Variants in MYRF observed in about 807,000 individuals in gnomAD.
The protein encoded by MYRF is myelin regulatory factor, also known as myelin gene regulatory factor.
A neutral mutation model predicts 126.3 loss-of-function variants in MYRF; 16 were observed. That is an observed-to-expected ratio of 0.13 (90% CI 0.09 to 0.19). MYRF has a LOEUF of 0.19. Among genes scored for constraint, MYRF ranks in the 10% least tolerant of loss-of-function variants. The pLI is 1.00. For synonymous variants in MYRF, 608 were observed against 635.3 expected, an observed-to-expected ratio of 0.96 and a Z score of 0.65; for missense variants, 1,104 against 1,547.0, an observed-to-expected ratio of 0.71 and a Z score of 4.80.
At chr11:61,785,608 G>A (rs1459118590) in intron 25 of MYRF, 192 bp from the exon 26 acceptor site, 9 of 601,576 alleles carry the variant, frequency 1.5e-5, no homozygotes, top group Admixed American at 1.4e-4. Context: ...TCCCGGGCAC[G>A]GTCTGCATGG....
At chr11:61,759,506 C>CA (rs1005689726) in intron 1 of MYRF, among the ~76,000 whole-genome samples, 1 of 152,070 alleles carries the variant, frequency 6.6e-6, no homozygotes, top group Non-Finnish European at 1.5e-5. Flanking sequence ...CCCGTCTCTA[C>CA]AAAAAATACA....
chr11:61,755,607 T>G, intron 1 of MYRF: 2 of 860,626 alleles, frequency 2.3e-6, no homozygotes, highest in Non-Finnish European at 3.9e-6. Context: ...CAAAGAGCTC[T>G]TGCCCTCTTT....
At chr11:61,780,320 C>A (rs1262379667) in intron 18 of MYRF, 30 bp downstream of exon 18, 1 of 1,598,018 alleles carries the variant, frequency 6.3e-7, no homozygotes. Flanking sequence ...GCCAAGCTGC[C>A]AGGCCAGGTG....
chr11:61,759,519 A>C (rs2065848980), intron 1 of MYRF, among the ~76,000 whole-genome samples: 1 of 152,104 alleles, frequency 6.6e-6, no homozygotes, highest in Admixed American at 6.5e-5. Flanking sequence ...AAAATACAAC[A>C]ATTAGCCAGG....
At chr11:61,755,498 G>T (rs1257829786) in intron 1 of MYRF, 1 of 1,591,760 alleles carries the variant, frequency 6.3e-7, no homozygotes, top group Non-Finnish European at 8.6e-7. Flanking sequence ...GCAGGCACGG[G>T]ACAGGGCAGT....
At position 61,783,562 on chromosome 11, in the gene MYRF, C is replaced by T. The variant is rs771888497; in HGVS notation, c.3081C>T (p.Ser1027=). ...TSIQVLENSM[S]ITSQYCAPGD... Reference sequence around the variant, plus strand: ...TCCAGGTGCTGGAGAATTCGATGTCCATCACCTCCCAGTACTGTGCTCCAG... The same window carrying T: ...TCCAGGTGCTGGAGAATTCGATGTCTATCACCTCCCAGTACTGTGCTCCAG... Residue 1027 remains serine, a synonymous_variant, in exon 23 of 27, where the codon TCC becomes TCT. Transcript: ENST00000278836. The surrounding 1 kb of genome is among the most constrained non-coding windows in gnomAD (Gnocchi z 4.6). 1 of 1,613,798 alleles carries T rather than the reference C, an allele frequency of 6.2e-7. No individual in the cohort carries two copies. Among genetic ancestry groups the T allele is most frequent in the South Asian group, 1.1e-5 (1 of 91,080 alleles).
rs369622871 is a variant in MYRF at position 61,776,483 on chromosome 11, A to G, written c.1499+51A>G. The G allele has an allele frequency of 2.5e-5, 37 of 1,504,750 alleles. No homozygotes were observed. In the African/African-American group the frequency reaches 4.6e-4, roughly 19 times the overall value. 93.2% of individuals were successfully genotyped at this position (1,504,750 alleles called of 1,614,324 possible). On this transcript the variant is annotated intron_variant, in intron 10 of 26. Transcript: ENST00000278836. The surrounding 1 kb of genome is among the most constrained non-coding windows in gnomAD (Gnocchi z 4.3). ...GAGCCCCTCCATTTCTGAGGCAGGA[A>G]GACACTGCCCTGGGTGGCACACCAG...
At position 61,786,580 on chromosome 11, in the gene MYRF, C is replaced by G. The variant is rs948246362; in HGVS notation, c.*437C>G. The G allele has an allele frequency of 5.2e-6, 1 of 191,616 alleles. No homozygotes were observed. The highest frequency in any genetic ancestry group is 1.1e-5 in the Non-Finnish European group (1 of 91,442). 11.9% of individuals were successfully genotyped at this position (191,616 alleles called of 1,614,324 possible). A position where few individuals can be genotyped will look rare whatever the true frequency, so the allele number is the denominator to read the frequency against. ...CCACCTTTGAGATCAGCAGGGGGCTCGGATCCAGCCCTAAGAGACTTGGGT... is the reference window on the plus strand; with the variant it reads ...CCACCTTTGAGATCAGCAGGGGGCTGGGATCCAGCCCTAAGAGACTTGGGT... On this transcript the variant is annotated 3_prime_UTR_variant, in exon 27 of 27. Coordinates refer to ENST00000278836, the MANE Select transcript of MYRF (RefSeq NM_001127392.3). The surrounding 1 kb of genome is among the most constrained non-coding windows in gnomAD (Gnocchi z 4.5).
At chr11:61,774,218 A>G in intron 8 of MYRF, 56 bp downstream of exon 8, 1 of 1,491,030 alleles carries the variant, frequency 6.7e-7, no homozygotes, top group Non-Finnish European at 9.0e-7. Flanking sequence ...GGGGGCACTG[A>G]AAGACCCCAG....
intron 1 of MYRF, among the ~76,000 whole-genome samples, chr11:61,760,078 C>T (rs1255235015): frequency 2.0e-5 from 3 of 151,950 alleles, no homozygotes; most frequent in African/African-American, 7.3e-5. Context: ...AAGTGATTCT[C>T]CTGCCTCAGC....
chr11:61,787,372 T>G lies in MYRF; in HGVS notation c.*1229T>G, dbSNP rs981470681. On this transcript the variant is annotated 3_prime_UTR_variant, in exon 27 of 27. Coordinates refer to ENST00000278836, the MANE Select transcript of MYRF (RefSeq NM_001127392.3). ...AGTGGTGCCTGGTGCATTCCGAGGCTACATCCAGGCTCATGGAAGGAGTGT... is the reference window on the plus strand; with the variant it reads ...AGTGGTGCCTGGTGCATTCCGAGGCGACATCCAGGCTCATGGAAGGAGTGT... The G allele has an allele frequency of 1.8e-4, 27 of 152,334 alleles. No individual in the cohort carries two copies. The highest frequency in any genetic ancestry group is 6.5e-4 in the Admixed American group (10 of 15,278). The allele number at this position is 152,334 out of a possible 1,614,324, so 9.4% of individuals were successfully genotyped here.
chr11:61,752,683 C>A lies in MYRF; in HGVS notation c.-62C>A. On this transcript the variant is annotated 5_prime_UTR_variant, in exon 1 of 27. Transcript: ENST00000278836. ...TGTCGCGCGGGCCGCGCCGGCGATG[C>A]CGCGCCCCCGGGCCGGGCTGTAGCG... is the stretch of plus-strand genomic sequence containing the variant. 8.2e-7 allele frequency: 1 copy of A among 1,222,752 alleles called. No individual in the cohort carries two copies. The highest frequency in any genetic ancestry group is 1.0e-6 in the Non-Finnish European group (1 of 976,206). 75.7% of individuals were successfully genotyped at this position (1,222,752 alleles called of 1,614,324 possible).
chr11:61,769,201 C>A, intron 3 of MYRF, 59 bp from the exon 4 acceptor site: 1 of 1,027,206 alleles, frequency 9.7e-7, no homozygotes, highest in Non-Finnish European at 1.5e-6. Flanking sequence ...AGAAGCTGCC[C>A]AGCTGGAAGG....
chr11:61,780,810 C>T lies in MYRF; in HGVS notation c.2486+18C>T. On this transcript the variant is annotated intron_variant, in intron 19 of 26. Coordinates refer to ENST00000278836, the MANE Select transcript of MYRF (RefSeq NM_001127392.3). ...TGCCCATGGTACGTGCTGACCAGCG[C>T]CCCTCTCCTCTGGCTCCTGCTGCCC... 1 of 1,547,226 alleles carries T rather than the reference C, an allele frequency of 6.5e-7. No individual in the cohort carries two copies. The highest frequency in any genetic ancestry group is 8.7e-7 in the Non-Finnish European group (1 of 1,150,080).
intron 3 of MYRF, chr11:61,768,665 C>T (rs2066127890): frequency 6.6e-6 from 1 of 152,286 alleles, no homozygotes; most frequent in Non-Finnish European, 1.5e-5. Context: ...AGCTGGATCC[C>T]ATATGGCCAC....
chr11:61,769,803 G>T (rs1591100870), intron 4 of MYRF, among the ~76,000 whole-genome samples: 1 of 152,218 alleles, frequency 6.6e-6, no homozygotes. Flanking sequence ...AAAGGGAGCT[G>T]GGGCCTCCCC....
chr11:61,784,410 G>A (rs762495610), intron 25 of MYRF, 25 bp downstream of exon 25: 59 of 1,591,334 alleles, frequency 3.7e-5, no homozygotes, highest in Non-Finnish European at 4.9e-5. Context: ...GAAGCTGCGG[G>A]CCGGCCAGGC....
chr11:61,757,484 C>T lies in MYRF; in HGVS notation c.46+4694C>T, dbSNP rs1338868868. On this transcript the variant is annotated intron_variant, in intron 1 of 26. Coordinates refer to ENST00000278836, the MANE Select transcript of MYRF (RefSeq NM_001127392.3). The surrounding 1 kb of genome is among the most constrained non-coding windows in gnomAD (Gnocchi z 4.7). The stretch of plus-strand genomic sequence containing the variant: ...TTGGTCCATGGCAGGTGTTCTGCGC[C>T]CTACCTTGAAGATTACTGGTCCCCA... 3 of 456,394 alleles carry T rather than the reference C, an allele frequency of 6.6e-6. No homozygotes were observed. Among genetic ancestry groups the T allele is most frequent in the Non-Finnish European group, 1.3e-5 (3 of 226,834 alleles). The allele number at this position is 456,394 out of a possible 1,614,324, so 28.3% of individuals were successfully genotyped here. A position where few individuals can be genotyped will look rare whatever the true frequency, so the allele number is the denominator to read the frequency against.
intron 22 of MYRF, 79 bp downstream of exon 22, chr11:61,781,903 T>C (rs2066563097): frequency 3.5e-6 from 5 of 1,440,774 alleles, no homozygotes; most frequent in Non-Finnish European, 4.6e-6. Context: ...CCCAGTCATG[T>C]GACTGTCTGG....
Sources: allele counts gnomAD v4.1 joint callset (sites outside exome capture counted in the v4.1 genomes callset), GRCh38; gene constraint gnomAD v4.1.1; non-coding constraint Gnocchi (gnomAD v3.1); transcripts MANE v1.5; gene names NCBI Gene and HGNC (gene_info 2026-07-23, HGNC 2026-07-21).